PLXDC2: variants seen among roughly 807,000 people sequenced by gnomAD.
PLXDC2 encodes the protein plexin domain-containing protein 2.
Under a neutral mutation model 68.9 loss-of-function variants are expected in PLXDC2, and 40 were observed. That is an observed-to-expected ratio of 0.58 (90% CI 0.45 to 0.76). PLXDC2 has a LOEUF of 0.76. Among genes scored for constraint, PLXDC2 ranks in the 30% least tolerant of loss-of-function variants. The pLI is 0.00. For missense variants in PLXDC2, 644 were observed against 661.9 expected (o/e 0.97, Z 0.30); for synonymous variants, 243 against 234.2 (o/e 1.04, Z -0.34).
chr10:20,264,476 A>T (rs7900984), intron 13 of PLXDC2, among the ~76,000 whole-genome samples: 37,363 of 151,958 alleles, frequency 0.25, 4,681 homozygotes, highest in African/African-American at 0.3. Flanking sequence ...AAAATTTTTT[A>T]AAAAATCTAA....
intron 1 of PLXDC2, among the ~76,000 whole-genome samples, chr10:19,917,336 G>A (rs186264705): frequency 6.6e-6 from 1 of 152,068 alleles, no homozygotes; most frequent in South Asian, 2.1e-4. Flanking sequence ...GCTACAGTTC[G>A]CTTTAAGCTC....
chr10:20,106,286 C>A (rs1245633763), intron 4 of PLXDC2, among the ~76,000 whole-genome samples: 1 of 152,220 alleles, frequency 6.6e-6, no homozygotes, highest in East Asian at 1.9e-4. Flanking sequence ...TCCAAGTAGG[C>A]AGAGCCACTG....
chr10:20,052,011 T>C (rs1160991323), intron 3 of PLXDC2, among the ~76,000 whole-genome samples: 2 of 151,808 alleles, frequency 1.3e-5, no homozygotes, highest in African/African-American at 4.8e-5. Flanking sequence ...ATCTACTTTG[T>C]TATCACTCTC....
rs372140131 is a variant in PLXDC2 at position 20,194,921 on chromosome 10, C to T, written c.1062-16748C>T. 7.3e-5 allele frequency among the ~76,000 whole-genome samples: 11 copies of T among 151,614 alleles called. No homozygotes were observed. The East Asian group carries it at 7.8e-4, about 11-fold the overall frequency. On this transcript the variant is annotated intron_variant, in intron 9 of 13. Coordinates refer to ENST00000377252, the MANE Select transcript of PLXDC2 (RefSeq NM_032812.9). ...ATACTCCCTTGCATTGCACCTTCTA[C>T]GGAAAAAGGTGCTTCTCTTCTTGTA...
intron 4 of PLXDC2, among the ~76,000 whole-genome samples, chr10:20,103,999 A>G (rs1833457729): frequency 6.6e-6 from 1 of 152,192 alleles, no homozygotes; most frequent in Non-Finnish European, 1.5e-5. Flanking sequence ...GCAGAAGGAC[A>G]TGGGGTCCAG....
chr10:20,250,054 G>A (rs987615366), intron 13 of PLXDC2, among the ~76,000 whole-genome samples: 3 of 152,062 alleles, frequency 2.0e-5, no homozygotes, highest in Non-Finnish European at 2.9e-5. Context: ...GATCACTTGA[G>A]GTCCGGAGTT....
rs115811680 is a variant in PLXDC2 at position 19,867,389 on chromosome 10, A to G, written c.112+50198A>G. Among the ~76,000 whole-genome samples, 874 of 152,208 alleles carry G rather than the reference A, an allele frequency of 5.7e-3. 10 individuals are homozygous for G. Among genetic ancestry groups the G allele is most frequent in the African/African-American group, 0.02 (848 of 41,542 alleles). On this transcript the variant is annotated intron_variant, in intron 1 of 13. Coordinates refer to ENST00000377252, the MANE Select transcript of PLXDC2 (RefSeq NM_032812.9). ...CTCCGTTCCCTCTTGTCTGAGGCCT[A>G]TGTGACAGGGCTCAGCATTTTCCAA...
intron 1 of PLXDC2, among the ~76,000 whole-genome samples, chr10:19,937,827 A>C (rs1833752692): frequency 6.6e-6 from 1 of 152,028 alleles, no homozygotes; most frequent in Admixed American, 6.6e-5. Context: ...TATGAGAAAG[A>C]GGCAGAGAAG....
chr10:20,203,779 C>G (rs1032231712), intron 9 of PLXDC2, among the ~76,000 whole-genome samples: 1 of 152,180 alleles, frequency 6.6e-6, no homozygotes, highest in Non-Finnish European at 1.5e-5. Context: ...CAAGATGCCA[C>G]GTGTACGGAT....
chr10:19,922,538 G>T (rs1167090954), intron 1 of PLXDC2, among the ~76,000 whole-genome samples: 1 of 152,130 alleles, frequency 6.6e-6, no homozygotes, highest in African/African-American at 2.4e-5. Flanking sequence ...GTGTCCCTGG[G>T]GTTGGGTTTG....
At chr10:20,174,331 A>G (rs1013837537) in intron 7 of PLXDC2, among the ~76,000 whole-genome samples, 4 of 152,192 alleles carry the variant, frequency 2.6e-5, no homozygotes, top group South Asian at 2.1e-4. Flanking sequence ...GATGTGATTT[A>G]TATACTTCAT....
At chr10:19,967,034 C>T (rs1486465224) in intron 1 of PLXDC2, among the ~76,000 whole-genome samples, 2 of 152,174 alleles carry the variant, frequency 1.3e-5, no homozygotes, top group South Asian at 4.1e-4. Flanking sequence ...CATGGCGAGA[C>T]TTGTTTTATG....
At chr10:20,037,126 G>GA (rs1484849158) in intron 2 of PLXDC2, among the ~76,000 whole-genome samples, 1 of 152,174 alleles carries the variant, frequency 6.6e-6, no homozygotes, top group Non-Finnish European at 1.5e-5. Context: ...ACTAAAGCCT[G>GA]AAACTTACAG....
chr10:20,016,302 T>A (rs1158632084), intron 2 of PLXDC2, among the ~76,000 whole-genome samples: 1 of 152,232 alleles, frequency 6.6e-6, no homozygotes, highest in African/African-American at 2.4e-5. Flanking sequence ...ATAGAGAGAC[T>A]ACTTCCTTTC....
intron 10 of PLXDC2, among the ~76,000 whole-genome samples, chr10:20,216,572 T>C (rs1396396449): frequency 6.6e-6 from 1 of 152,164 alleles, no homozygotes; most frequent in East Asian, 1.9e-4. Context: ...AGTTTAAGAA[T>C]GATATTTATT....
At chr10:19,961,971 A>G (rs1589557924) in intron 1 of PLXDC2, among the ~76,000 whole-genome samples, 1 of 152,298 alleles carries the variant, frequency 6.6e-6, no homozygotes, top group Middle Eastern at 3.4e-3. Flanking sequence ...CAATTATAAC[A>G]TCTCCTATGC....
chr10:19,822,564 G>A (rs1015025036), intron 1 of PLXDC2, among the ~76,000 whole-genome samples: 14 of 151,912 alleles, frequency 9.2e-5, no homozygotes, highest in African/African-American at 3.4e-4. Flanking sequence ...TTCTTTTTAT[G>A]GCTCTACCAA....
intron 9 of PLXDC2, among the ~76,000 whole-genome samples, chr10:20,206,967 T>A (rs758561203): frequency 6.6e-6 from 1 of 152,146 alleles, no homozygotes; most frequent in Non-Finnish European, 1.5e-5. Flanking sequence ...TATCAAGGTG[T>A]CTTTTCCTAG....
chr10:20,007,623 G>A (rs1835047974), intron 2 of PLXDC2, among the ~76,000 whole-genome samples: 2 of 152,184 alleles, frequency 1.3e-5, no homozygotes, highest in Admixed American at 6.5e-5. Context: ...CTCAGAGATT[G>A]GGAGCTAGGC....
Sources: gnomAD v4.1 joint callset for allele counts (sites outside exome capture counted in the v4.1 genomes callset) on GRCh38, gnomAD v4.1.1 for gene constraint, MANE v1.5 for transcripts, NCBI Gene and HGNC (gene_info 2026-07-23, HGNC 2026-07-21) for gene names.